The following RBFOX1 variants were observed in gnomAD, a reference collection of about 807,000 sequenced individuals.
RBFOX1 encodes the protein RNA binding fox-1 homolog 1.
Under a neutral mutation model 57.7 loss-of-function variants are expected in RBFOX1, and 8 were observed. The ratio of observed to expected loss-of-function variants is 0.14; its 90% confidence interval spans 0.08 to 0.25. The LOEUF (loss-of-function observed/expected upper bound fraction) is 0.25. Ranked by LOEUF, RBFOX1 falls within the 10% of genes least tolerant of loss-of-function variation. RBFOX1 has a pLI of 1.00. For missense variants in RBFOX1, 611 were observed against 548.5 expected, an observed-to-expected ratio of 1.11 and a Z score of -1.14; for synonymous variants, 326 against 222.4, an observed-to-expected ratio of 1.47 and a Z score of -4.15.
chr16:6,981,397 C>T, intron 3 of RBFOX1, among the ~76,000 whole-genome samples: 1 of 152,102 alleles, frequency 6.6e-6, no homozygotes, highest in South Asian at 2.1e-4. Context: ...CCTCGAGGTC[C>T]ATCCATGTCC....
intron 1 of RBFOX1, chr16:6,037,978 T>C (rs2095388590): frequency 6.6e-6 from 1 of 152,134 alleles, no homozygotes; most frequent in Middle Eastern, 3.2e-3. Flanking sequence ...GAGGACTCTT[T>C]AGGTCTGTAT....
chr16:5,902,854 G>C (rs1449480532), intron 4 of RBFOX1, among the ~76,000 whole-genome samples: 1 of 152,080 alleles, frequency 6.6e-6, no homozygotes, highest in African/African-American at 2.4e-5. Context: ...TTCACAAAGA[G>C]ACCCCCAGGA....
At chr16:7,424,802 A>G (rs140349484) in intron 4 of RBFOX1, among the ~76,000 whole-genome samples, 3 of 152,338 alleles carry the variant, frequency 2.0e-5, no homozygotes, top group Admixed American at 2.0e-4. Context: ...CAATCACATA[A>G]TCACCTTTCT....
At chr16:6,082,240 G>A (rs1597119763) in intron 1 of RBFOX1, among the ~76,000 whole-genome samples, 1 of 143,912 alleles carries the variant, frequency 6.9e-6, no homozygotes, top group South Asian at 2.2e-4. Context: ...GAGTGTAGTG[G>A]TGCAATCTCG....
intron 4 of RBFOX1, among the ~76,000 whole-genome samples, chr16:7,231,086 C>T (rs142756224): frequency 6.6e-6 from 1 of 152,104 alleles, no homozygotes; most frequent in Non-Finnish European, 1.5e-5. Context: ...GAATCTACCT[C>T]TCCAGAATTC....
intron 3 of RBFOX1, among the ~76,000 whole-genome samples, chr16:6,943,033 C>T (rs550430074): frequency 2.6e-5 from 4 of 152,158 alleles, no homozygotes; most frequent in East Asian, 1.9e-4. Context: ...AATGGGCAAG[C>T]GGGGAGAAAG....
intron 2 of RBFOX1, among the ~76,000 whole-genome samples, chr16:6,608,980 G>T (rs1418618256): frequency 6.6e-6 from 1 of 152,092 alleles, no homozygotes; most frequent in African/African-American, 2.4e-5. Context: ...GCCAGCCATG[G>T]CCAGGCAAGC....
At chr16:6,091,988 C>T (rs1420668693) in intron 1 of RBFOX1, among the ~76,000 whole-genome samples, 1 of 152,156 alleles carries the variant, frequency 6.6e-6, no homozygotes, top group African/African-American at 2.4e-5. Flanking sequence ...TCCATTCATC[C>T]ACTCATTCCT....
At position 6,698,569 on chromosome 16, in the gene RBFOX1, G is replaced by A. The variant is rs552033007; in HGVS notation, c.-16+43919G>A. ...TGTTTGCTCTTCTGAAGTCATCATC[G>A]TCAATTAGTATTTGCCAGAGCCCCA... On this transcript the variant is annotated intron_variant, in intron 3 of 15. Transcript: ENST00000550418. 9.9e-5 allele frequency among the ~76,000 whole-genome samples: 15 copies of A among 152,080 alleles called. No homozygotes were observed. In the South Asian group the frequency reaches 1.5e-3, roughly 15 times the overall value.
At chr16:6,400,019 A>G (rs1290889509) in intron 2 of RBFOX1, among the ~76,000 whole-genome samples, 1 of 152,182 alleles carries the variant, frequency 6.6e-6, no homozygotes, top group African/African-American at 2.4e-5. Context: ...ACATGTGAGG[A>G]TTATGAGAAC....
intron 2 of RBFOX1, among the ~76,000 whole-genome samples, chr16:6,636,026 A>C (rs551396353): frequency 1.3e-5 from 2 of 152,148 alleles, no homozygotes. Flanking sequence ...ACTTGTGTAC[A>C]TGTTTAATAA....
At chr16:7,013,939 T>G (rs1296229644) in intron 3 of RBFOX1, among the ~76,000 whole-genome samples, 1 of 152,176 alleles carries the variant, frequency 6.6e-6, no homozygotes, top group African/African-American at 2.4e-5. Flanking sequence ...ATTACAGATT[T>G]GAGCCACGGC....
rs116002957 is a variant in RBFOX1, at chr16:5,760,376, A to G, written c.319-106927A>G. ...TCAGCAATTTCACACACACACACAC[A>G]CGTATATACATATACATACACACAC... On this transcript the variant is annotated intron_variant, in intron 3 of 19. Transcript: ENST00000641259. Among the ~76,000 whole-genome samples, 1,042 of 152,192 alleles carry G rather than the reference A, an allele frequency of 6.8e-3. 14 individuals carry two copies. The highest frequency in any genetic ancestry group is 0.024 in the African/African-American group (984 of 41,498).
At chr16:7,053,989 G>T (rs1034844655) in intron 4 of RBFOX1, among the ~76,000 whole-genome samples, 1 of 151,960 alleles carries the variant, frequency 6.6e-6, no homozygotes, top group Non-Finnish European at 1.5e-5. Flanking sequence ...CTTCCCACGT[G>T]ACTTAGGCGT....
chr16:6,089,892 T>C (rs1278857509), intron 1 of RBFOX1, among the ~76,000 whole-genome samples: 1 of 152,240 alleles, frequency 6.6e-6, no homozygotes, highest in Non-Finnish European at 1.5e-5. Context: ...TAGTTTCCCA[T>C]GGCTGCTGTA....
intron 4 of RBFOX1, among the ~76,000 whole-genome samples, chr16:7,237,019 G>C (rs976938049): frequency 1.3e-5 from 2 of 152,226 alleles, no homozygotes; most frequent in African/African-American, 4.8e-5. Flanking sequence ...CTAGAAGGGA[G>C]AGGTTATTGC....
At chr16:6,666,849 C>G (rs934433245) in intron 3 of RBFOX1, among the ~76,000 whole-genome samples, 1 of 152,102 alleles carries the variant, frequency 6.6e-6, no homozygotes, top group Non-Finnish European at 1.5e-5. Flanking sequence ...CTCCCAATTA[C>G]TCAGCCTAAG....
chr16:7,171,372 G>T (rs2080669478), intron 4 of RBFOX1, among the ~76,000 whole-genome samples: 1 of 152,162 alleles, frequency 6.6e-6, no homozygotes, highest in African/African-American at 2.4e-5. Context: ...TTGACACATA[G>T]TATTTTCTTG....
In RBFOX1 at chr16:6,081,122, A is replaced by T. The variant is rs117465238; in HGVS notation, c.-127+61130A>T. Among the ~76,000 whole-genome samples, 1,523 of 152,320 alleles carry T rather than the reference A, an allele frequency of 1.0e-2. 11 individuals carry two copies. The highest frequency in any genetic ancestry group is 0.016 in the Non-Finnish European group (1,098 of 68,036). ...CCCTTTGCCCTGGGTATTTAAAAATAGACCAATGATTTCTCATAGGGCGTC... is the reference window on the plus strand; with the variant it reads ...CCCTTTGCCCTGGGTATTTAAAAATTGACCAATGATTTCTCATAGGGCGTC... On this transcript the variant is annotated intron_variant, in intron 1 of 15. Transcript: ENST00000550418.
Sources: gnomAD v4.1 joint callset for allele counts (sites outside exome capture counted in the v4.1 genomes callset) on GRCh38, gnomAD v4.1.1 for gene constraint, MANE v1.5 for transcripts, NCBI Gene and HGNC (gene_info 2026-07-23, HGNC 2026-07-21) for gene names.